Variants in HDAC9 observed in about 807,000 individuals in gnomAD.
HDAC9 encodes histone deacetylase 9.
In HDAC9, 41 loss-of-function variants were observed where a neutral mutation model predicts 139.4. The ratio of observed to expected loss-of-function variants is 0.29; its 90% CI spans 0.23 to 0.38. HDAC9 has a LOEUF of 0.38. Ranked by LOEUF, HDAC9 falls within the 10% of genes least tolerant of loss-of-function variation. HDAC9 has a pLI of 1.00. For missense variants in HDAC9, 1,147 were observed against 1,297.0 expected, an observed-to-expected ratio of 0.88 and a Z score of 1.78; for synonymous variants, 517 against 476.2, an observed-to-expected ratio of 1.09 and a Z score of -1.12.
chr7:18,631,481 A>G (rs1364768421), intron 7 of HDAC9, among the ~76,000 whole-genome samples: 1 of 152,008 alleles, frequency 6.6e-6, no homozygotes, highest in Non-Finnish European at 1.5e-5. Context: ...ATTTGTTTGG[A>G]TCTTAATACT....
intron 2 of HDAC9, among the ~76,000 whole-genome samples, chr7:18,244,113 TAAAACGAGTA>T (rs920360132): frequency 2.0e-5 from 3 of 151,998 alleles, no homozygotes; most frequent in Admixed American, 2.0e-4. Context: ...GTTTTTAAAA[TAAAACGAGTA>T]ACTTCCCAAA....
intron 16 of HDAC9, among the ~76,000 whole-genome samples, chr7:18,775,019 T>G (rs934213032): frequency 6.6e-6 from 1 of 152,010 alleles, no homozygotes; most frequent in Non-Finnish European, 1.5e-5. Context: ...CTTGTCTAAT[T>G]TCAATATTCC....
chr7:18,705,312 T>C (rs1473585997), intron 12 of HDAC9, among the ~76,000 whole-genome samples: 1 of 152,158 alleles, frequency 6.6e-6, no homozygotes, highest in Non-Finnish European at 1.5e-5. Flanking sequence ...TACTAAGTGC[T>C]AGTAACACCC....
At chr7:18,715,116 G>A (rs1207556628) in intron 12 of HDAC9, among the ~76,000 whole-genome samples, 3 of 151,986 alleles carry the variant, frequency 2.0e-5, no homozygotes, top group African/African-American at 7.3e-5. Context: ...TTTGGTTGTT[G>A]AGACAACCAC....
intron 1 of HDAC9, among the ~76,000 whole-genome samples, chr7:18,337,188 CT>C (rs1781646518): frequency 6.6e-6 from 1 of 151,598 alleles, no homozygotes; most frequent in South Asian, 2.1e-4. Flanking sequence ...AATCAACCAA[CT>C]TTCAAATGCT....
At chr7:18,989,274 C>G (rs1374989238) in intron 25 of HDAC9, among the ~76,000 whole-genome samples, 1 of 150,408 alleles carries the variant, frequency 6.6e-6, no homozygotes, top group Non-Finnish European at 1.5e-5. Flanking sequence ...GACAAAATCT[C>G]TCAGCATTTG....
chr7:18,883,199 C>G lies in HDAC9; in HGVS notation c.2803+8603C>G, dbSNP rs184575663. 2.6e-4 allele frequency among the ~76,000 whole-genome samples: 39 copies of G among 152,154 alleles called. No individual in the cohort carries two copies. In the East Asian group the frequency reaches 7.5e-3, roughly 29 times the overall value. On this transcript the variant is annotated intron_variant, in intron 22 of 25. Transcript: ENST00000686413. ...ATATGCCAATGCAGAATAAATAGTC[C>G]AGTGATGCTTTTTTAGCAATTGACT...
intron 15 of HDAC9, among the ~76,000 whole-genome samples, chr7:18,763,687 A>T (rs1331637214): frequency 6.6e-6 from 1 of 152,180 alleles, no homozygotes; most frequent in East Asian, 1.9e-4. Context: ...CTAACCAACA[A>T]GATGAAGTAA....
chr7:18,872,393 T>C (rs551902955), intron 21 of HDAC9, among the ~76,000 whole-genome samples: 35 of 152,268 alleles, frequency 2.3e-4, no homozygotes, highest in African/African-American at 7.5e-4. Context: ...TTCAGAGATA[T>C]GTGGCATAGA....
upstream of HDAC9, among the ~76,000 whole-genome samples, chr7:18,491,235 T>C (rs907092268): frequency 6.6e-6 from 1 of 151,946 alleles, no homozygotes; most frequent in Non-Finnish European, 1.5e-5. Flanking sequence ...TTTATTTACA[T>C]TTTAAAAGGG....
intron 11 of HDAC9, among the ~76,000 whole-genome samples, chr7:18,652,665 T>G (rs1241655921): frequency 6.6e-6 from 1 of 152,176 alleles, no homozygotes; most frequent in Non-Finnish European, 1.5e-5. Flanking sequence ...AGAATTGCAC[T>G]GATTCATGCC....
intron 1 of HDAC9, among the ~76,000 whole-genome samples, chr7:18,489,458 C>G (rs1425663910): frequency 1.3e-5 from 2 of 151,994 alleles, no homozygotes; most frequent in Non-Finnish European, 2.9e-5. Flanking sequence ...GTATAATTCT[C>G]TATCATCCTT....
intron 17 of HDAC9, among the ~76,000 whole-genome samples, chr7:18,817,236 G>T (rs1017689884): frequency 6.6e-6 from 1 of 151,948 alleles, no homozygotes; most frequent in South Asian, 2.1e-4. Flanking sequence ...GGGTTTCACC[G>T]TGTTAGCCAG....
upstream of HDAC9, among the ~76,000 whole-genome samples, chr7:18,286,968 T>C (rs768700152): frequency 6.6e-6 from 1 of 152,178 alleles, no homozygotes; most frequent in Non-Finnish European, 1.5e-5. Context: ...ATGACTTACA[T>C]ATCTAGAACA....
chr7:18,606,162 C>T (rs1258007719), intron 6 of HDAC9, among the ~76,000 whole-genome samples: 1 of 152,194 alleles, frequency 6.6e-6, no homozygotes, highest in South Asian at 2.1e-4. Flanking sequence ...CAGATTTTAG[C>T]ATGGCAGTTT....
rs1273225609 is a variant in HDAC9, at chr7:18,998,553, C to T, written c.*2491C>T. 2.6e-5 allele frequency: 4 copies of T among 152,204 alleles called. No individual in the cohort carries two copies. Among genetic ancestry groups the T allele is most frequent in the African/African-American group, 9.6e-5 (4 of 41,462 alleles). The allele number at this position is 152,204 out of a possible 1,614,324, so 9.4% of individuals were successfully genotyped here. On this transcript the variant is annotated 3_prime_UTR_variant, in exon 26 of 26. Transcript: ENST00000686413. ...CCATTGCTTTTTGATTATACCATTA[C>T]AAGATGGAGCATAGCCCTGAGGGAC...
intron 2 of HDAC9, among the ~76,000 whole-genome samples, chr7:18,279,176 T>G (rs776932822): frequency 1.3e-5 from 2 of 152,190 alleles, no homozygotes; most frequent in Non-Finnish European, 2.9e-5. Flanking sequence ...CTGCTTTTTA[T>G]TAAACGTACT....
chr7:18,180,687 C>T (rs113162944), intron 2 of HDAC9, among the ~76,000 whole-genome samples: 6 of 152,346 alleles, frequency 3.9e-5, no homozygotes, highest in African/African-American at 7.2e-5. Flanking sequence ...TACTTTATCT[C>T]TCTGGATATC....
chr7:18,905,980 C>CTTCCTTCCTTCTCTCT (rs1802215779), intron 22 of HDAC9, among the ~76,000 whole-genome samples: 1 of 136,058 alleles, frequency 7.3e-6, no homozygotes, highest in Non-Finnish European at 1.6e-5. Context: ...TCCTTCTCTC[C>CTTCCTTCCTTCTCTCT]TTCCTTCCTT....
Sources: allele counts gnomAD v4.1 joint callset (sites outside exome capture counted in the v4.1 genomes callset), GRCh38; gene constraint gnomAD v4.1.1; transcripts MANE v1.5; gene names NCBI Gene and HGNC (gene_info 2026-07-23, HGNC 2026-07-21).